HOMER1: variants seen among roughly 807,000 people sequenced by gnomAD.
HOMER1 encodes homer scaffold protein 1.
In HOMER1, 3 loss-of-function variants were observed where a neutral mutation model predicts 48.9. The ratio of observed to expected loss-of-function variants is 0.06; its 90% CI spans 0.03 to 0.16. The LOEUF is 0.16. HOMER1 is among the 10% of genes least tolerant of loss of function. The pLI, the probability that HOMER1 is intolerant of heterozygous loss-of-function variation, is 1.00. For synonymous variants in HOMER1, 134 were observed against 146.4 expected (o/e 0.92, Z 0.61); for missense variants, 247 against 411.4 (o/e 0.60, Z 3.46).
chr5:79,505,441 A>C (rs1323306528), intron 1 of HOMER1, among the ~76,000 whole-genome samples: 1 of 152,176 alleles, frequency 6.6e-6, no homozygotes, highest in Non-Finnish European at 1.5e-5. Flanking sequence ...TAAAGTAATG[A>C]AATTGTGTTC....
chr5:79,398,444 C>T (rs1749450136), intron 6 of HOMER1, among the ~76,000 whole-genome samples: 2 of 152,016 alleles, frequency 1.3e-5, no homozygotes, highest in Admixed American at 1.3e-4. Flanking sequence ...AAATCCCTCT[C>T]CCTGGCATTT....
At position 79,402,064 on chromosome 5, in the gene HOMER1, A is replaced by C. The variant is rs1749547632; in HGVS notation, c.528-9T>G. 10 of 1,608,920 alleles carry C rather than the reference A, an allele frequency of 6.2e-6. No homozygotes were observed. The highest frequency in any genetic ancestry group is 1.3e-5 in the African/African-American group (1 of 74,806). ...GTTTGCTGATTGCTGAACTAAAATA[A>C]AACAAAAAGAAAATTCTATCCATTA... On this transcript the variant is annotated splice_polypyrimidine_tract_variant and intron_variant, in intron 5 of 8. Coordinates refer to ENST00000334082, the MANE Select transcript of HOMER1 (RefSeq NM_004272.5).
chr5:79,499,688 TACAG>T (rs1752522629), intron 1 of HOMER1, among the ~76,000 whole-genome samples: 3 of 152,170 alleles, frequency 2.0e-5, no homozygotes, highest in Admixed American at 6.5e-5. Context: ...GCAAAAAACT[TACAG>T]ACCATACATG....
chr5:79,500,633 C>CT lies in HOMER1; in HGVS notation c.5+12136dup, dbSNP rs200420964. Among the ~76,000 whole-genome samples the CT allele has an allele frequency of 1.4e-3, 204 of 148,280 alleles. 1 individual carries two copies. The highest frequency in any genetic ancestry group is 3.9e-3 in the South Asian group (18 of 4,662). The stretch of plus-strand genomic sequence containing the variant: ...GTAATAAACAATAAATATATTTTAT[C>CT]TTTTTTTTTTTCTGAGACAGAGTTT... On this transcript the variant is annotated intron_variant, in intron 1 of 8. Transcript: ENST00000334082.
intron 4 of HOMER1, among the ~76,000 whole-genome samples, chr5:79,445,370 C>T (rs1336436860): frequency 1.3e-5 from 2 of 152,034 alleles, no homozygotes; most frequent in African/African-American, 2.4e-5. Context: ...TTTAGAAAAG[C>T]CTACTATTAA....
At chr5:79,448,632 T>A (rs1216961080) in intron 3 of HOMER1, among the ~76,000 whole-genome samples, 1 of 152,346 alleles carries the variant, frequency 6.6e-6, no homozygotes, top group East Asian at 1.9e-4. Flanking sequence ...TGTTTTGACT[T>A]ACTCATGGCT....
intron 1 of HOMER1, among the ~76,000 whole-genome samples, chr5:79,494,876 A>C (rs1025182835): frequency 2.0e-5 from 3 of 152,334 alleles, no homozygotes; most frequent in African/African-American, 7.2e-5. Context: ...GCCTTCTCCA[A>C]GTCCAAAACT....
At chr5:79,400,711 A>G (rs1749511484) in intron 6 of HOMER1, among the ~76,000 whole-genome samples, 1 of 137,638 alleles carries the variant, frequency 7.3e-6, no homozygotes, top group African/African-American at 2.8e-5. Flanking sequence ...AAGCACTTCT[A>G]TGCCTTGAAT....
At chr5:79,429,900 G>A (rs1750372362) in intron 5 of HOMER1, among the ~76,000 whole-genome samples, 1 of 151,762 alleles carries the variant, frequency 6.6e-6, no homozygotes, top group Non-Finnish European at 1.5e-5. Context: ...GCGGGCGCCT[G>A]TAGTCCCAGC....
intron 5 of HOMER1, among the ~76,000 whole-genome samples, chr5:79,428,298 C>A (rs1750325952): frequency 6.6e-6 from 1 of 152,080 alleles, no homozygotes; most frequent in African/African-American, 2.4e-5. Context: ...CTTCCTCACC[C>A]TGATAAAGAG....
intron 1 of HOMER1, among the ~76,000 whole-genome samples, chr5:79,477,245 G>A (rs966253138): frequency 2.6e-5 from 4 of 152,212 alleles, no homozygotes; most frequent in South Asian, 2.1e-4. Flanking sequence ...CCAAGCTGAC[G>A]TTAAGAATTA....
At chr5:79,405,222 G>T (rs143849227) in intron 5 of HOMER1, among the ~76,000 whole-genome samples, 131 of 152,178 alleles carry the variant, frequency 8.6e-4, no homozygotes, top group African/African-American at 3.1e-3. Flanking sequence ...ACAGACACAC[G>T]AACATAAAAA....
chr5:79,394,426 C>T (rs1749329147), intron 8 of HOMER1, among the ~76,000 whole-genome samples: 1 of 152,062 alleles, frequency 6.6e-6, no homozygotes, highest in Admixed American at 6.6e-5. Flanking sequence ...AGAATTCATC[C>T]TCAGGTTTTC....
At chr5:79,466,502 T>C (rs1459734217) in intron 1 of HOMER1, among the ~76,000 whole-genome samples, 1 of 149,766 alleles carries the variant, frequency 6.7e-6, no homozygotes, top group African/African-American at 2.4e-5. Flanking sequence ...GTCTCAAAAA[T>C]AATAATAATA....
At chr5:79,409,755 T>C (rs1482488599) in intron 5 of HOMER1, among the ~76,000 whole-genome samples, 2 of 152,190 alleles carry the variant, frequency 1.3e-5, no homozygotes, top group Non-Finnish European at 2.9e-5. Context: ...AAACAGGTGC[T>C]AAGCACTTGA....
At chr5:79,396,952 G>A (rs766693629) in intron 7 of HOMER1, 49 bp from the exon 8 acceptor site, 6 of 1,015,858 alleles carry the variant, frequency 5.9e-6, no homozygotes, top group South Asian at 4.3e-5. Context: ...ATCAAGGCAA[G>A]GGAAGGTCTT....
At chr5:79,394,518 T>C (rs1749331476) in intron 8 of HOMER1, among the ~76,000 whole-genome samples, 1 of 152,246 alleles carries the variant, frequency 6.6e-6, no homozygotes, top group Non-Finnish European at 1.5e-5. Flanking sequence ...AAGAATTATA[T>C]TCACAATTTC....
chr5:79,452,338 T>G (rs907922403), intron 2 of HOMER1, among the ~76,000 whole-genome samples: 59 of 152,342 alleles, frequency 3.9e-4, no homozygotes, highest in African/African-American at 1.3e-3. Context: ...ACTTTGGTGA[T>G]CACCATAATA....
At chr5:79,468,681 T>A (rs754148260) in intron 1 of HOMER1, among the ~76,000 whole-genome samples, 27 of 152,318 alleles carry the variant, frequency 1.8e-4, no homozygotes, top group Non-Finnish European at 2.9e-4. Flanking sequence ...CAAACAATGT[T>A]CCTGTATGTT....
Sources: allele counts gnomAD v4.1 joint callset (sites outside exome capture counted in the v4.1 genomes callset), GRCh38; gene constraint gnomAD v4.1.1; transcripts MANE v1.5; gene names NCBI Gene and HGNC (gene_info 2026-07-23, HGNC 2026-07-21).